Variants in QTMAN observed in about 807,000 individuals in gnomAD.
The protein encoded by QTMAN is tRNA-queuosine alpha-mannosyltransferase.
the QTMAN span, among the ~76,000 whole-genome samples, chr2:144,293,784 T>G: frequency 6.6e-6 from 1 of 152,188 alleles, no homozygotes; most frequent in African/African-American, 2.4e-5. Context: ...AGTACAAATA[T>G]TTTCTATGTA....
At chr2:144,117,149 AGCAGG>A in the QTMAN span, among the ~76,000 whole-genome samples, 1 of 152,166 alleles carries the variant, frequency 6.6e-6, no homozygotes, top group Non-Finnish European at 1.5e-5. Context: ...TTAACAGGTG[AGCAGG>A]GCCTACCTAT....
the QTMAN span, among the ~76,000 whole-genome samples, chr2:144,193,871 G>A: frequency 6.6e-6 from 1 of 151,988 alleles, no homozygotes; most frequent in African/African-American, 2.4e-5. Context: ...ATTCAAAATT[G>A]ATACCAGAAC....
the QTMAN span, among the ~76,000 whole-genome samples, chr2:144,100,707 T>G: frequency 6.6e-6 from 1 of 152,172 alleles, no homozygotes; most frequent in Non-Finnish European, 1.5e-5. Context: ...CGTGTTGACT[T>G]ACTTATACAG....
the QTMAN span, among the ~76,000 whole-genome samples, chr2:144,168,936 C>T: frequency 9.2e-5 from 14 of 151,922 alleles, no homozygotes; most frequent in Admixed American, 5.2e-4. Flanking sequence ...ATTTTATTAT[C>T]GTTCTCCGTA....
the QTMAN span, among the ~76,000 whole-genome samples, chr2:144,236,352 C>A: frequency 4.6e-5 from 7 of 152,074 alleles, no homozygotes; most frequent in Admixed American, 2.0e-4. Flanking sequence ...TCACACAGTC[C>A]TGTGATCCCT....
the QTMAN span, among the ~76,000 whole-genome samples, chr2:144,137,573 A>G: frequency 6.3e-4 from 96 of 152,242 alleles, no homozygotes; most frequent in African/African-American, 2.2e-3. Context: ...TGCATTTACA[A>G]TAAGTGGTGG....
the QTMAN span, among the ~76,000 whole-genome samples, chr2:144,283,372 T>C: frequency 2.0e-5 from 3 of 152,252 alleles, no homozygotes; most frequent in East Asian, 5.8e-4. Flanking sequence ...CATAAACATT[T>C]TGATGACCAG....
At chr2:144,250,175 G>A in the QTMAN span, among the ~76,000 whole-genome samples, 6 of 146,800 alleles carry the variant, frequency 4.1e-5, no homozygotes, top group South Asian at 4.2e-4. Flanking sequence ...TCGCTCTGTC[G>A]CCCAGGCTGG....
the QTMAN span, among the ~76,000 whole-genome samples, chr2:144,299,116 G>A: frequency 1.3e-5 from 2 of 152,154 alleles, no homozygotes; most frequent in East Asian, 3.8e-4. Flanking sequence ...AGCTTTCCCA[G>A]GTATGAGTCA....
At chr2:143,990,953 T>A in the QTMAN span, among the ~76,000 whole-genome samples, 10 of 151,982 alleles carry the variant, frequency 6.6e-5, no homozygotes, top group African/African-American at 2.4e-4. Context: ...GAAAGAAATT[T>A]GAGAAATTTA....
At chr2:144,191,878 C>A in the QTMAN span, among the ~76,000 whole-genome samples, 1 of 152,112 alleles carries the variant, frequency 6.6e-6, no homozygotes, top group African/African-American at 2.4e-5. Context: ...TTTCTCTTTT[C>A]CTCTACTGAC....
At chr2:144,225,474 C>T in the QTMAN span, among the ~76,000 whole-genome samples, 13 of 152,152 alleles carry the variant, frequency 8.5e-5, no homozygotes, top group Non-Finnish European at 1.8e-4. Context: ...AATTATTTAA[C>T]AAGAAATAAG....
the QTMAN span, among the ~76,000 whole-genome samples, chr2:144,329,173 C>T: frequency 6.6e-6 from 1 of 151,712 alleles, no homozygotes; most frequent in Non-Finnish European, 1.5e-5. Context: ...ACCAGAGAGG[C>T]GGAGGCTGCA....
chr2:144,277,978 C>T, the QTMAN span, among the ~76,000 whole-genome samples: 1 of 152,090 alleles, frequency 6.6e-6, no homozygotes, highest in Non-Finnish European at 1.5e-5. Context: ...TCCTAGGAAG[C>T]CAAAGGGAGA....
chr2:144,065,003 G>A, the QTMAN span, among the ~76,000 whole-genome samples: 1 of 152,160 alleles, frequency 6.6e-6, no homozygotes, highest in Admixed American at 6.5e-5. Flanking sequence ...CTTGGGGTGA[G>A]GAAGATAACA....
the QTMAN span, among the ~76,000 whole-genome samples, chr2:143,986,126 G>A: frequency 6.6e-6 from 1 of 152,190 alleles, no homozygotes; most frequent in Non-Finnish European, 1.5e-5. Context: ...TAGGAAGGAT[G>A]CCAGGCAGAC....
the QTMAN span, among the ~76,000 whole-genome samples, chr2:144,057,359 A>T: frequency 6.6e-6 from 1 of 152,210 alleles, no homozygotes; most frequent in Non-Finnish European, 1.5e-5. Context: ...TAAACTTGTT[A>T]TTTATCAAGT....
the QTMAN span, among the ~76,000 whole-genome samples, chr2:144,305,580 C>G: frequency 6.6e-6 from 1 of 152,104 alleles, no homozygotes; most frequent in African/African-American, 2.4e-5. Flanking sequence ...TTTAAAAATT[C>G]TGACTACCCT....
chr2:144,019,435 G>GGTGC, the QTMAN span, among the ~76,000 whole-genome samples: 1 of 117,224 alleles, frequency 8.5e-6, no homozygotes, highest in Non-Finnish European at 1.8e-5. Context: ...TAAGCATGCA[G>GGTGC]GTGTGTGTGT....
Sources: gnomAD v4.1 joint callset for allele counts (sites outside exome capture counted in the v4.1 genomes callset) on GRCh38, gnomAD v4.1.1 for gene constraint, MANE v1.5 for transcripts, NCBI Gene and HGNC (gene_info 2026-07-23, HGNC 2026-07-21) for gene names.